Variants in CLK4 observed in about 807,000 individuals in gnomAD.
CLK4 encodes the protein dual specificity protein kinase CLK4.
CLK4 carries 37 observed loss-of-function variants against 64.4 expected under a neutral mutation model. That is an observed-to-expected ratio of 0.57 (90% CI 0.44 to 0.76). The LOEUF is 0.76. CLK4 is among the 30% of genes least tolerant of loss of function. The pLI is 0.00. For missense variants in CLK4, 457 were observed against 605.1 expected, an observed-to-expected ratio of 0.76 and a Z score of 2.57; for synonymous variants, 175 against 191.6, an observed-to-expected ratio of 0.91 and a Z score of 0.72.
intron 10 of CLK4, among the ~76,000 whole-genome samples, chr5:178,606,831 G>A (rs954635435): frequency 1.3e-5 from 2 of 151,304 alleles, no homozygotes; most frequent in East Asian, 1.9e-4. Flanking sequence ...GTAGTGGCTC[G>A]TGCCTGTAAT....
chr5:178,620,564 T>G (rs1045729088), intron 2 of CLK4: 1 of 452,532 alleles, frequency 2.2e-6, no homozygotes, highest in African/African-American at 2.0e-5. Flanking sequence ...AACAGACTGA[T>G]TTAATTTTTT....
intron 2 of CLK4, chr5:178,622,378 A>T: frequency 6.1e-6 from 6 of 975,884 alleles, no homozygotes; most frequent in Non-Finnish European, 7.3e-6. Flanking sequence ...GTGGAGAAGG[A>T]AAGAAATTAC....
chr5:178,604,268 G>C (rs1269089682), intron 11 of CLK4: 1 of 174,458 alleles, frequency 5.7e-6, no homozygotes, highest in Non-Finnish European at 1.2e-5. Flanking sequence ...TCCCTCGGTG[G>C]CTTCTGCGAT....
rs550707047 is a variant in CLK4 at position 178,623,285 on chromosome 5, T to G, written c.132A>C (p.Lys44Asn). ...HSSTQENRHCKPHHQFKESDC... is the reference protein window; with the variant it reads ...HSSTQENRHCNPHHQFKESDC... Reference sequence around the variant, plus strand: ...CAGATTCTTTAAACTGGTGATGTGGTTTACAATGCCTGTTCTCTTGTGTGC... The same window carrying G: ...CAGATTCTTTAAACTGGTGATGTGGGTTACAATGCCTGTTCTCTTGTGTGC... The change falls in exon 2 of 13, where the codon AAA becomes AAC. Residue 44 changes from lysine (K) to asparagine (N), a missense_variant. By Grantham distance (94) the Lys-to-Asn change is moderately conservative. Coordinates refer to ENST00000316308, the MANE Select transcript of CLK4 (RefSeq NM_020666.3). 10 of 1,613,936 alleles carry G rather than the reference T, an allele frequency of 6.2e-6. No individual in the cohort carries two copies. Among genetic ancestry groups the G allele is most frequent in the African/African-American group, 2.7e-5 (2 of 75,042 alleles).
Position 178,613,582 on chromosome 5 carries a change from A to C in CLK4, c.717T>G (p.Phe239Leu). Residue 239 changes from phenylalanine (F) to leucine (L), a missense_variant, in exon 7 of 13, where the codon TTT becomes TTG. Phe to Leu is a conservative substitution (Grantham distance 22). Coordinates refer to ENST00000316308, the MANE Select transcript of CLK4 (RefSeq NM_020666.3). ...CGTAAGTACTAAGTCCCAGTAGTTC[A>C]AACACAATACAAACATGACCATGAT... ...FDHHGHVCIVFELLGLSTYDF... is the reference protein window; with the variant it reads ...FDHHGHVCIVLELLGLSTYDF... 6.2e-7 allele frequency: 1 copy of C among 1,612,214 alleles called. No individual in the cohort carries two copies. The highest frequency in any genetic ancestry group is 8.5e-7 in the Non-Finnish European group (1 of 1,179,490).
At position 178,605,391 on chromosome 5, in the gene CLK4, T is replaced by C. The variant is rs780495111; in HGVS notation, c.1135-9A>G. ...TCTTTACTATCATGAGTCTAAAACA[T>C]GTAAGAAAAAGAAATTTAGTACTCT... On this transcript the variant is annotated splice_polypyrimidine_tract_variant and intron_variant, in intron 10 of 12. Transcript: ENST00000316308. The C allele has an allele frequency of 7.8e-6, 12 of 1,547,540 alleles. No homozygotes were observed. The highest frequency in any genetic ancestry group is 2.8e-5 in the African/African-American group (2 of 71,346).
chr5:178,616,766 A>C, intron 5 of CLK4, 116 bp downstream of exon 5: 1 of 774,536 alleles, frequency 1.3e-6, no homozygotes, highest in Admixed American at 2.5e-5. Flanking sequence ...ACTGCACTCA[A>C]GCCTGGGCAA....
At chr5:178,625,747 C>T (rs150477513) in intron 1 of CLK4, among the ~76,000 whole-genome samples, 32 of 152,248 alleles carry the variant, frequency 2.1e-4, no homozygotes, top group African/African-American at 7.7e-4. Flanking sequence ...AAAATAAGAA[C>T]GAGCTCCGTT....
At position 178,623,390 on chromosome 5, in the gene CLK4, A is replaced by G; in HGVS notation, c.27T>C (p.Cys9=). The change falls in exon 2 of 13, where the codon TGT becomes TGC. Residue 9 remains cysteine, a synonymous_variant. Coordinates refer to ENST00000316308, the MANE Select transcript of CLK4 (RefSeq NM_020666.3). The part of the protein sequence containing the change: MRHSKRTH[C]PDWDSRESWG... ...AGCTTTCTCTGCTATCCCAATCAGG[A>G]CAGTGAGTTCTTTTGGAATGCCGCA... 1 of 1,612,562 alleles carries G rather than the reference A, an allele frequency of 6.2e-7. No individual in the cohort carries two copies. The highest frequency in any genetic ancestry group is 8.5e-7 in the Non-Finnish European group (1 of 1,179,614).
chr5:178,609,428 A>G (rs1006966663), intron 9 of CLK4, among the ~76,000 whole-genome samples: 2 of 152,200 alleles, frequency 1.3e-5, no homozygotes, highest in Admixed American at 6.5e-5. Flanking sequence ...CATGCCTGTA[A>G]TCCCAGCACT....
At chr5:178,624,087 A>G (rs1162584334) in intron 1 of CLK4, among the ~76,000 whole-genome samples, 1 of 152,236 alleles carries the variant, frequency 6.6e-6, no homozygotes, top group African/African-American at 2.4e-5. Flanking sequence ...CAAATTCTCC[A>G]TAGTTCTTTT....
intron 9 of CLK4, among the ~76,000 whole-genome samples, chr5:178,610,976 G>T (rs58487939): frequency 5.3e-5 from 8 of 151,144 alleles, no homozygotes; most frequent in African/African-American, 1.9e-4. Context: ...AGGAGGCTGA[G>T]TTAGGAGAAT....
intron 2 of CLK4, 35 bp from the exon 3 acceptor site, chr5:178,618,813 T>C: frequency 6.5e-7 from 1 of 1,534,906 alleles, no homozygotes; most frequent in Non-Finnish European, 9.0e-7. Context: ...AATTATTCTC[T>C]TCATTCTGCA....
At chr5:178,608,336 T>A (rs774906137) in intron 10 of CLK4, 40 bp downstream of exon 10, 1 of 1,405,660 alleles carries the variant, frequency 7.1e-7, no homozygotes, top group South Asian at 1.3e-5. Flanking sequence ...ACGTTTACAA[T>A]TTGTTATGAA....
At chr5:178,620,140 C>T in intron 2 of CLK4, 1 of 298,900 alleles carries the variant, frequency 3.3e-6, no homozygotes, top group South Asian at 3.0e-5. Flanking sequence ...GTTCTCTTTC[C>T]CTAGCATCAG....
Position 178,622,367 on chromosome 5 carries a change from C to G in CLK4, c.161+889G>C, listed in dbSNP as rs987795036. 4 of 943,990 alleles carry G rather than the reference C, an allele frequency of 4.2e-6. No individual in the cohort carries two copies. In the South Asian group the frequency reaches 1.5e-4, roughly 35 times the overall value. The allele number at this position is 943,990 out of a possible 1,614,324, so 58.5% of individuals were successfully genotyped here. A position where few individuals can be genotyped will look rare whatever the true frequency, so the allele number is the denominator to read the frequency against. On this transcript the variant is annotated intron_variant, in intron 2 of 12. Transcript: ENST00000316308. ...CTGTTTGGCAGAACAAGTCTGTTAA[C>G]GTGGAGAAGGAAAGAAATTACATAC...
At position 178,618,602 on chromosome 5, in the gene CLK4, G is replaced by A; in HGVS notation, c.338C>T (p.Pro113Leu). The A allele has an allele frequency of 6.2e-7, 1 of 1,613,962 alleles. No individual in the cohort carries two copies. The highest frequency in any genetic ancestry group is 8.5e-7 in the Non-Finnish European group (1 of 1,179,952). Residue 113 changes from proline to leucine, a missense_variant, in exon 3 of 13, where the codon CCT becomes CTT. Transcript: ENST00000316308. ...ACAGTGTCTATTGCGCTTCCTTTTA[G>A]GACTGCTTCTCCTGCTGCGGACTGA... ...KSSVRSRRSS[P>L]KRKRNRHCSS...
chr5:178,609,421 G>T (rs1219030706), intron 9 of CLK4, among the ~76,000 whole-genome samples: 1 of 152,086 alleles, frequency 6.6e-6, no homozygotes, highest in Non-Finnish European at 1.5e-5. Flanking sequence ...GGTGGCTCAT[G>T]CCTGTAATCC....
rs918793934 is a variant in CLK4, at chr5:178,603,282, G to T, written c.*335C>A. The T allele has an allele frequency of 1.3e-4, 21 of 160,804 alleles. No individual in the cohort carries two copies. Among genetic ancestry groups the T allele is most frequent in the Admixed American group, 1.0e-3 (16 of 15,548 alleles). The allele number at this position is 160,804 out of a possible 1,614,324, so 10.0% of individuals were successfully genotyped here. Reference sequence around the variant, plus strand: ...TCCTTTAAGAATATAAAGTAGTCAAGATTTCCTTTTACTCAAAAAAAATCA... The same window carrying T: ...TCCTTTAAGAATATAAAGTAGTCAATATTTCCTTTTACTCAAAAAAAATCA... On this transcript the variant is annotated 3_prime_UTR_variant, in exon 13 of 13. Transcript: ENST00000316308.
Sources: gnomAD v4.1 joint callset for allele counts (sites outside exome capture counted in the v4.1 genomes callset) on GRCh38, gnomAD v4.1.1 for gene constraint, MANE v1.5 for transcripts, NCBI Gene and HGNC (gene_info 2026-07-23, HGNC 2026-07-21) for gene names.